Variants in MARK1 observed in about 807,000 individuals in gnomAD.
MARK1 encodes the protein serine/threonine-protein kinase MARK1.
In MARK1, 40 loss-of-function variants were observed where a neutral mutation model predicts 96.3. The ratio of observed to expected loss-of-function variants is 0.42; its 90% CI spans 0.32 to 0.54. The LOEUF is 0.54. Ranked by LOEUF, MARK1 falls within the 20% of genes least tolerant of loss-of-function variation. The pLI, the probability that MARK1 is intolerant of heterozygous loss-of-function variation, is 0.16. For missense variants in MARK1, 719 were observed against 984.6 expected (o/e 0.73, Z 3.61); for synonymous variants, 317 against 341.2 (o/e 0.93, Z 0.78).
Position 220,663,438 on chromosome 1 carries a change from T to A in MARK1, c.*1272T>A, listed in dbSNP as rs1339522478. 2 of 152,608 alleles carry A rather than the reference T, an allele frequency of 1.3e-5. No homozygotes were observed. The highest frequency in any genetic ancestry group is 4.8e-5 in the African/African-American group (2 of 41,448). The allele number at this position is 152,608 out of a possible 1,614,324, so 9.5% of individuals were successfully genotyped here. A position where few individuals can be genotyped will look rare whatever the true frequency, so the allele number is the denominator to read the frequency against. ...TGCGATGTAAAACCACTAGTAAAGGTACATTTTAATACTTGTTATTTTATA... is the reference window on the plus strand; with the variant it reads ...TGCGATGTAAAACCACTAGTAAAGGAACATTTTAATACTTGTTATTTTATA... On this transcript the variant is annotated 3_prime_UTR_variant, in exon 18 of 18. Transcript: ENST00000366917.
At chr1:220,534,009 A>T (rs1397027129) in intron 1 of MARK1, among the ~76,000 whole-genome samples, 2 of 151,756 alleles carry the variant, frequency 1.3e-5, no homozygotes, top group Non-Finnish European at 2.9e-5. Context: ...TATCTGTTGA[A>T]TTTTTTTTCA....
rs1666879695 is a variant in MARK1, at chr1:220,618,554, C to T, written c.789+8C>T. 2 of 1,612,552 alleles carry T rather than the reference C, an allele frequency of 1.2e-6. No individual in the cohort carries two copies. Among genetic ancestry groups the T allele is most frequent in the Non-Finnish European group, 8.5e-7 (1 of 1,178,774 alleles). On this transcript the variant is annotated splice_region_variant and intron_variant, in intron 8 of 17. Transcript: ENST00000366917. The surrounding 1 kb of genome is among the most constrained non-coding windows in gnomAD (Gnocchi z 4.6). ...GATGGCCAGAATTTAAAGGTATCAG[C>T]TAAATTCTTTATTAATGTTTTATCC...
intron 9 of MARK1, among the ~76,000 whole-genome samples, chr1:220,619,760 T>C (rs1666954131): frequency 6.6e-6 from 1 of 152,248 alleles, no homozygotes; most frequent in African/African-American, 2.4e-5. Flanking sequence ...TTTGCCCATC[T>C]GTTTTTAAGA....
intron 6 of MARK1, among the ~76,000 whole-genome samples, chr1:220,605,461 C>T (rs547716535): frequency 6.6e-6 from 1 of 151,768 alleles, no homozygotes; most frequent in Non-Finnish European, 1.5e-5. Flanking sequence ...GTATTACACA[C>T]ATCATTTTTT....
At chr1:220,564,947 T>G (rs1662934001) in intron 1 of MARK1, among the ~76,000 whole-genome samples, 1 of 152,168 alleles carries the variant, frequency 6.6e-6, no homozygotes, top group South Asian at 2.1e-4. Flanking sequence ...TCTCATTTTC[T>G]TCTTTAGATT....
intron 1 of MARK1, among the ~76,000 whole-genome samples, chr1:220,561,371 ATTTT>A (rs59291954): frequency 6.7e-6 from 1 of 150,020 alleles, no homozygotes; most frequent in Non-Finnish European, 1.5e-5. Flanking sequence ...AATTTCTGTG[ATTTT>A]TTTTTTAAGT....
At chr1:220,636,135 A>G in intron 13 of MARK1, 109 bp downstream of exon 13, 1 of 759,558 alleles carries the variant, frequency 1.3e-6, no homozygotes, top group Non-Finnish European at 2.0e-6. Context: ...TTTAAAGGGA[A>G]TTATAATTTA....
chr1:220,614,847 AT>A (rs1261651085), intron 6 of MARK1, among the ~76,000 whole-genome samples: 1 of 152,140 alleles, frequency 6.6e-6, no homozygotes, highest in East Asian at 1.9e-4. Flanking sequence ...TTTAATATAC[AT>A]TAGAATAATT....
chr1:220,563,894 C>T (rs1291959947), intron 1 of MARK1, among the ~76,000 whole-genome samples: 3 of 152,172 alleles, frequency 2.0e-5, no homozygotes, highest in East Asian at 3.8e-4. Context: ...TTTGAACCCC[C>T]ATCTTTTTTT....
At chr1:220,582,649 G>T (rs1314167320) in intron 3 of MARK1, among the ~76,000 whole-genome samples, 1 of 152,106 alleles carries the variant, frequency 6.6e-6, no homozygotes, top group Non-Finnish European at 1.5e-5. Context: ...ACAGCAATGC[G>T]ACTCCTACTC....
In MARK1 at chr1:220,570,215, G is replaced by C. The variant is rs562932986; in HGVS notation, c.52-9139G>C. Among the ~76,000 whole-genome samples, 24 of 152,144 alleles carry C rather than the reference G, an allele frequency of 1.6e-4. 1 individual carries two copies. The South Asian group carries it at 5.0e-3, about 32-fold the overall frequency. The stretch of plus-strand genomic sequence containing the variant: ...GAGTGGAAACTCCAATATGATGTGT[G>C]GTGTTTCCTGGGAAGTGATATCTAA... On this transcript the variant is annotated intron_variant, in intron 1 of 17. Transcript: ENST00000366917.
chr1:220,573,784 T>C (rs1233767268), intron 1 of MARK1, among the ~76,000 whole-genome samples: 1 of 151,218 alleles, frequency 6.6e-6, no homozygotes, highest in Non-Finnish European at 1.5e-5. Flanking sequence ...TAGTATATTG[T>C]ATATTGTAGT....
At chr1:220,627,324 G>T in intron 9 of MARK1, 1 of 503,350 alleles carries the variant, frequency 2.0e-6, no homozygotes, top group East Asian at 5.8e-5. Flanking sequence ...AAAAAGCCAA[G>T]AGAGTCAAAA....
chr1:220,630,917 AGAAATGTCACAT>A, intron 9 of MARK1, 106 bp from the exon 10 acceptor site: 1 of 689,016 alleles, frequency 1.5e-6, no homozygotes, highest in Non-Finnish European at 2.5e-6. Context: ...TAATCAAACT[AGAAATGTCACAT>A]GAAACTTCTT....
At chr1:220,608,329 G>C (rs890751173) in intron 6 of MARK1, among the ~76,000 whole-genome samples, 1 of 151,982 alleles carries the variant, frequency 6.6e-6, no homozygotes, top group Admixed American at 6.6e-5. Context: ...TAGATTTTCT[G>C]GTTTATTTGC....
intron 15 of MARK1, 101 bp from the exon 16 acceptor site, chr1:220,653,000 G>T (rs940043346): frequency 7.4e-7 from 1 of 1,347,786 alleles, no homozygotes. Flanking sequence ...ATAAAGTAGG[G>T]CCAAAAGAAG....
chr1:220,541,145 C>G (rs191309055), intron 1 of MARK1, among the ~76,000 whole-genome samples: 39 of 152,194 alleles, frequency 2.6e-4, no homozygotes, highest in Admixed American at 8.5e-4. Context: ...GTTGGCCAGG[C>G]TGGTCTAAAA....
chr1:220,615,977 T>C lies in MARK1; in HGVS notation c.534T>C (p.Ile178=), dbSNP rs1666723290. ...TACAGTATTGTCATCAAAAGTACATTGTTCACCGTGATCTTAAGGTAAGCT... is the reference window on the plus strand; with the variant it reads ...TACAGTATTGTCATCAAAAGTACATCGTTCACCGTGATCTTAAGGTAAGCT... ...SAVQYCHQKY[I]VHRDLKAENL... The change falls in exon 7 of 18, where the codon ATT becomes ATC. Residue 178 remains isoleucine (I), a synonymous_variant. Transcript: ENST00000366917. 1 of 1,556,470 alleles carries C rather than the reference T, an allele frequency of 6.4e-7. No homozygotes were observed.
chr1:220,616,648 G>GT (rs1252353053), intron 7 of MARK1, among the ~76,000 whole-genome samples: 1 of 150,408 alleles, frequency 6.6e-6, no homozygotes, highest in East Asian at 2.0e-4. Context: ...ACTATCACCA[G>GT]TTTGGGTTAT....
Sources: allele counts gnomAD v4.1 joint callset (sites outside exome capture counted in the v4.1 genomes callset), GRCh38; gene constraint gnomAD v4.1.1; non-coding constraint Gnocchi (gnomAD v3.1); transcripts MANE v1.5; gene names NCBI Gene and HGNC (gene_info 2026-07-23, HGNC 2026-07-21).